Variants in COLQ observed in about 807,000 individuals in gnomAD.
COLQ encodes acetylcholinesterase collagenic tail peptide.
A neutral mutation model predicts 69.0 loss-of-function variants in COLQ; 48 were observed. The observed-to-expected ratio is 0.70, with a 90% confidence interval of 0.55 to 0.88. The LOEUF (loss-of-function observed/expected upper bound fraction) is 0.88, where lower values mean the gene tolerates loss of function less well. Among genes scored for constraint, COLQ ranks in the 40% least tolerant of loss-of-function variants. COLQ has a pLI of 0.00. For missense variants in COLQ, 618 were observed against 594.6 expected, an observed-to-expected ratio of 1.04 and a Z score of -0.41; for synonymous variants, 217 against 211.2, an observed-to-expected ratio of 1.03 and a Z score of -0.24.
chr3:15,513,422 C>T (rs1269112332), intron 1 of COLQ, among the ~76,000 whole-genome samples: 1 of 152,238 alleles, frequency 6.6e-6, no homozygotes, highest in Non-Finnish European at 1.5e-5. Context: ...CAGAGCGCTT[C>T]TCCAACCATG....
chr3:15,465,252 A>ATTTT (rs1358465212), intron 12 of COLQ, among the ~76,000 whole-genome samples: 1 of 147,636 alleles, frequency 6.8e-6, no homozygotes, highest in Non-Finnish European at 1.5e-5. Context: ...TTATTTATTT[A>ATTTT]TTTATTTATT....
intron 1 of COLQ, among the ~76,000 whole-genome samples, chr3:15,505,429 A>G (rs932094445): frequency 6.6e-6 from 1 of 152,262 alleles, no homozygotes; most frequent in Admixed American, 6.5e-5. Flanking sequence ...AGTCAAGGAA[A>G]CAAATCCATC....
chr3:15,510,904 T>C (rs1254996773), intron 1 of COLQ, among the ~76,000 whole-genome samples: 1 of 151,718 alleles, frequency 6.6e-6, no homozygotes, highest in Non-Finnish European at 1.5e-5. Context: ...AAAGATCACA[T>C]GGCCAAGATC....
At chr3:15,486,180 T>C (rs986511953) in intron 3 of COLQ, among the ~76,000 whole-genome samples, 2 of 152,228 alleles carry the variant, frequency 1.3e-5, no homozygotes, top group Non-Finnish European at 2.9e-5. Context: ...TTTCTTGAAG[T>C]GGACTAGAAC....
chr3:15,518,954 AG>A lies in COLQ; in HGVS notation c.106+2565del, dbSNP rs374672360. On this transcript the variant is annotated intron_variant, in intron 1 of 16. Transcript: ENST00000383788. ...ACACAGCCTATCTTCAGAAGAATTA[AG>A]AGTCTATAAGCTTCTGAATATAGAA... Among the ~76,000 whole-genome samples the A allele has an allele frequency of 1.8e-3, 275 of 152,362 alleles. 1 individual carries two copies. The highest frequency in any genetic ancestry group is 6.4e-3 in the African/African-American group (266 of 41,588).
chr3:15,453,496 C>T (rs1208166346), intron 16 of COLQ, among the ~76,000 whole-genome samples: 2 of 152,184 alleles, frequency 1.3e-5, no homozygotes, highest in Non-Finnish European at 2.9e-5. Flanking sequence ...GCCCACAGCC[C>T]AGGAGACTAT....
At chr3:15,519,030 A>G (rs957958874) in intron 1 of COLQ, among the ~76,000 whole-genome samples, 1 of 152,192 alleles carries the variant, frequency 6.6e-6, no homozygotes, top group African/African-American at 2.4e-5. Context: ...TACAAGGAAC[A>G]GCTTCCATTT....
At position 15,451,065 on chromosome 3, in the gene COLQ, A is replaced by AGGCTG. The variant is rs2061934856; in HGVS notation, c.*574_*578dup. The AGGCTG allele has an allele frequency of 6.4e-6, 1 of 155,842 alleles. No individual in the cohort carries two copies. Among genetic ancestry groups the AGGCTG allele is most frequent in the South Asian group, 2.0e-4 (1 of 5,108 alleles). The allele number at this position is 155,842 out of a possible 1,614,324, so 9.7% of individuals were successfully genotyped here. ...TTTCCTGGGCAGCCACATCCACGTC[A>AGGCTG]GGCTGGGCTGGGCTGTGGCCAGTCG... is the stretch of plus-strand genomic sequence containing the variant. On this transcript the variant is annotated 3_prime_UTR_variant, in exon 17 of 17. Coordinates refer to ENST00000383788, the MANE Select transcript of COLQ (RefSeq NM_005677.4).
At chr3:15,493,855 G>A (rs1002451986) in intron 1 of COLQ, among the ~76,000 whole-genome samples, 4 of 152,204 alleles carry the variant, frequency 2.6e-5, no homozygotes, top group Admixed American at 2.6e-4. Context: ...AGGCTGAGGT[G>A]GGCAGATCAC....
At chr3:15,517,773 A>C (rs2063082115) in intron 1 of COLQ, among the ~76,000 whole-genome samples, 1 of 152,220 alleles carries the variant, frequency 6.6e-6, no homozygotes, top group South Asian at 2.1e-4. Flanking sequence ...AAATCATTCT[A>C]ATATATAAAT....
At chr3:15,498,787 G>C in intron 1 of COLQ, 5 of 1,497,242 alleles carry the variant, frequency 3.3e-6, no homozygotes, top group Non-Finnish European at 4.4e-6. Flanking sequence ...GTAGCAATGG[G>C]TAGGCAGCCC....
chr3:15,467,925 G>T lies in COLQ; in HGVS notation c.718-1488C>A, dbSNP rs961562411. On this transcript the variant is annotated intron_variant, in intron 11 of 16. Coordinates refer to ENST00000383788, the MANE Select transcript of COLQ (RefSeq NM_005677.4). The stretch of plus-strand genomic sequence containing the variant: ...TTCTTGAACTCTGAATATGGGATCC[G>T]TGAGGTCAGAGTTTATTTCTGATTC... 2.8e-4 allele frequency: 127 copies of T among 456,636 alleles called. 1 individual carries two copies. In the Admixed American group the frequency reaches 2.9e-3, roughly 11 times the overall value. The allele number at this position is 456,636 out of a possible 1,614,324, so 28.3% of individuals were successfully genotyped here. A position where few individuals can be genotyped will look rare whatever the true frequency, so the allele number is the denominator to read the frequency against.
At chr3:15,483,142 T>G (rs539526525) in intron 3 of COLQ, among the ~76,000 whole-genome samples, 1 of 152,316 alleles carries the variant, frequency 6.6e-6, no homozygotes, top group East Asian at 1.9e-4. Flanking sequence ...TTAATTTTAT[T>G]GATCTTTTCA....
chr3:15,466,458 G>T, intron 11 of COLQ, 21 bp from the exon 12 acceptor site: 1 of 1,599,952 alleles, frequency 6.3e-7, no homozygotes, highest in African/African-American at 1.3e-5. Context: ...GAAAGGCAGA[G>T]CCTGTTATGA....
chr3:15,451,502 G>C lies in COLQ; in HGVS notation c.*142C>G. 3.7e-6 allele frequency: 3 copies of C among 814,594 alleles called. No individual in the cohort carries two copies. Among genetic ancestry groups the C allele is most frequent in the Non-Finnish European group, 6.6e-6 (3 of 454,254 alleles). The allele number at this position is 814,594 out of a possible 1,614,324, so 50.5% of individuals were successfully genotyped here. On this transcript the variant is annotated 3_prime_UTR_variant, in exon 17 of 17. Coordinates refer to ENST00000383788, the MANE Select transcript of COLQ (RefSeq NM_005677.4). ...TTCTTCCAGTCAGACTGAGTTAACAGCATGTCTTAGTAGCAGGAATTTGTC... is the reference window on the plus strand; with the variant it reads ...TTCTTCCAGTCAGACTGAGTTAACACCATGTCTTAGTAGCAGGAATTTGTC...
Position 15,477,157 on chromosome 3 carries a change from G to A in COLQ, c.434C>T (p.Pro145Leu). The change falls in exon 6 of 17, where the codon CCC (proline) becomes CTC (leucine). Residue 145 changes from proline to leucine, a missense_variant. By Grantham distance (98) the Pro-to-Leu change is moderately conservative (BLOSUM62 -3). Transcript: ENST00000383788. ...TCCTTCAGGGCCTGGCCAACCGATG[G>A]GCCCAGGCATGCCAGGAACACCTGG... Reference protein sequence around the residue: ...GPPGVPGMPGPIGWPGPEGPR... With the variant: ...GPPGVPGMPGLIGWPGPEGPR... 1.2e-6 allele frequency: 2 copies of A among 1,607,076 alleles called. No individual in the cohort carries two copies. Among genetic ancestry groups the A allele is most frequent in the South Asian group, 1.1e-5 (1 of 89,216 alleles).
Position 15,456,474 on chromosome 3 carries a change from A to G in COLQ, c.1060T>C (p.Trp354Arg), listed in dbSNP as rs2062026605. 1 of 1,614,162 alleles carries G rather than the reference A, an allele frequency of 6.2e-7. No individual in the cohort carries two copies. The highest frequency in any genetic ancestry group is 8.5e-7 in the Non-Finnish European group (1 of 1,180,030). ...RSLYFKDSLGWLPIQLTPFYP... is the reference protein window; with the variant it reads ...RSLYFKDSLGRLPIQLTPFYP... ...CCTGGGGGTACCTGGATGGGGAGCC[A>G]GCCAAGGCTGTCCTTGAAGTACAGA... Residue 354 changes from tryptophan (W) to arginine (R), a missense_variant, in exon 14 of 17, where the codon TGG becomes CGG. Trp to Arg is a moderately radical substitution (Grantham distance 101). Transcript: ENST00000383788.
At chr3:15,490,137 C>T (rs1460253982) in intron 1 of COLQ, among the ~76,000 whole-genome samples, 9 of 152,210 alleles carry the variant, frequency 5.9e-5, no homozygotes, top group Non-Finnish European at 8.8e-5. Flanking sequence ...AACACATTCA[C>T]GTGTCACTCA....
At chr3:15,510,162 C>A (rs367885386) in intron 1 of COLQ, among the ~76,000 whole-genome samples, 1 of 150,116 alleles carries the variant, frequency 6.7e-6, no homozygotes, top group African/African-American at 2.5e-5. Flanking sequence ...GGCGACAGAG[C>A]GAGACTCTGT....
Sources: gnomAD v4.1 joint callset for allele counts (sites outside exome capture counted in the v4.1 genomes callset) on GRCh38, gnomAD v4.1.1 for gene constraint, MANE v1.5 for transcripts, NCBI Gene and HGNC (gene_info 2026-07-23, HGNC 2026-07-21) for gene names.